BCAP29: variants seen among roughly 807,000 people sequenced by gnomAD.
BCAP29 encodes B-cell receptor-associated protein 29.
BCAP29 carries 34 observed loss-of-function variants against 31.8 expected under a neutral mutation model. The observed-to-expected ratio is 1.07, with a 90% CI of 0.81 to 1.42. The LOEUF is 1.42. BCAP29 is among the 40% of genes most tolerant of loss of function. The pLI is 0.00. For synonymous variants in BCAP29, 104 were observed against 91.3 expected (o/e 1.14, Z -0.79); for missense variants, 314 against 269.2 (o/e 1.17, Z -1.16).
chr7:107,584,916 T>A (rs1281075992), intron 3 of BCAP29, among the ~76,000 whole-genome samples: 1 of 152,222 alleles, frequency 6.6e-6, no homozygotes, highest in Non-Finnish European at 1.5e-5. Context: ...CCCATTTGTT[T>A]ACATAATGTC....
At chr7:107,583,156 C>T (rs901595524) in intron 2 of BCAP29, among the ~76,000 whole-genome samples, 14 of 152,004 alleles carry the variant, frequency 9.2e-5, no homozygotes, top group Non-Finnish European at 1.9e-4. Context: ...TTTCCTATTG[C>T]GTGATGGATT....
chr7:107,602,563 T>A (rs2129263370), intron 6 of BCAP29, among the ~76,000 whole-genome samples: 1 of 145,380 alleles, frequency 6.9e-6, no homozygotes, highest in East Asian at 2.3e-4. Flanking sequence ...AAAAAAGCAA[T>A]TTTTTTTTTT....
At chr7:107,600,543 C>A in intron 6 of BCAP29, 38 bp downstream of exon 6, 1 of 1,281,172 alleles carries the variant, frequency 7.8e-7, no homozygotes, top group South Asian at 1.2e-5. Context: ...AAAAGACTAG[C>A]ATGATATTTT....
At chr7:107,583,539 C>A (rs2129209927) in intron 2 of BCAP29, among the ~76,000 whole-genome samples, 1 of 152,150 alleles carries the variant, frequency 6.6e-6, no homozygotes, top group African/African-American at 2.4e-5. Context: ...TAAGTCATTT[C>A]TCTGACCATG....
chr7:107,613,798 A>G, intron 7 of BCAP29: 2 of 1,144,568 alleles, frequency 1.7e-6, no homozygotes, highest in African/African-American at 1.5e-5. Flanking sequence ...TTCAAGTTCC[A>G]CATCACACTA....
chr7:107,586,529 C>G (rs145735170), intron 3 of BCAP29, among the ~76,000 whole-genome samples: 1 of 152,074 alleles, frequency 6.6e-6, no homozygotes, highest in Non-Finnish European at 1.5e-5. Context: ...CACCTACTTT[C>G]GTGTTTTAAG....
At chr7:107,613,186 A>G in intron 6 of BCAP29, 146 bp from the exon 7 acceptor site, 1 of 590,748 alleles carries the variant, frequency 1.7e-6, no homozygotes, top group Non-Finnish European at 2.9e-6. Flanking sequence ...GTGTGTGAAG[A>G]GAGAGAATAT....
Position 107,581,384 on chromosome 7 carries a change from A to G in BCAP29, c.92+520A>G, listed in dbSNP as rs116008940. Among the ~76,000 whole-genome samples, 664 of 152,352 alleles carry G rather than the reference A, an allele frequency of 4.4e-3. 8 individuals carry two copies. Among genetic ancestry groups the G allele is most frequent in the African/African-American group, 0.015 (626 of 41,576 alleles). ...CTACTTTTGATTTCACATAAAATTA[A>G]TGAATGTATATTAAAAGTGCTGAAT... On this transcript the variant is annotated intron_variant, in intron 2 of 7. Transcript: ENST00000005259.
At chr7:107,618,227 A>T in intron 7 of BCAP29, 101 bp from the exon 8 acceptor site, 1 of 751,292 alleles carries the variant, frequency 1.3e-6, no homozygotes. Context: ...TTATTCTCAT[A>T]AGTATACATA....
At chr7:107,600,557 C>A in intron 6 of BCAP29, 52 bp downstream of exon 6, 1 of 1,054,852 alleles carries the variant, frequency 9.5e-7, no homozygotes, top group Non-Finnish European at 1.4e-6. Context: ...ATATTTTATG[C>A]TGTACACTTC....
At chr7:107,587,217 C>CTGATCTAAAATTG (rs1807863539) in intron 3 of BCAP29, among the ~76,000 whole-genome samples, 1 of 152,154 alleles carries the variant, frequency 6.6e-6, no homozygotes, top group Admixed American at 6.5e-5. Context: ...GTTTCCATAA[C>CTGATCTAAAATTG]TGATCTAAAA....
At chr7:107,611,396 A>C (rs1014484764) in intron 6 of BCAP29, among the ~76,000 whole-genome samples, 1 of 152,200 alleles carries the variant, frequency 6.6e-6, no homozygotes, top group African/African-American at 2.4e-5. Flanking sequence ...GTGAGACCTC[A>C]TCTCTACAAA....
chr7:107,595,773 C>T lies in BCAP29; in HGVS notation c.345-94C>T. ...CTAAACATTATCTGCCACCACCACA[C>T]CTATATCTAATGGGGAGTAATTTGG... On this transcript the variant is annotated intron_variant, in intron 4 of 7. Coordinates refer to ENST00000005259, the MANE Select transcript of BCAP29 (RefSeq NM_018844.4). The T allele has an allele frequency of 2.2e-6, 3 of 1,348,172 alleles. 1 individual carries two copies. The highest frequency in any genetic ancestry group is 3.1e-6 in the Non-Finnish European group (3 of 979,938). 83.5% of individuals were successfully genotyped at this position (1,348,172 alleles called of 1,614,324 possible).
At chr7:107,595,831 T>A (rs1809711131) in intron 4 of BCAP29, 36 bp from the exon 5 acceptor site, 1 of 1,578,802 alleles carries the variant, frequency 6.3e-7, no homozygotes, top group African/African-American at 1.4e-5. Flanking sequence ...TTCTGGTGAT[T>A]GGCCAGTAAT....
chr7:107,622,593 T>C (rs1194323747), downstream of BCAP29: 2 of 152,348 alleles, frequency 1.3e-5, no homozygotes, highest in Admixed American at 6.5e-5. Flanking sequence ...TCTGAAATGA[T>C]CTCATTTATG....
At chr7:107,586,195 T>C (rs1807652709) in intron 3 of BCAP29, among the ~76,000 whole-genome samples, 2 of 152,154 alleles carry the variant, frequency 1.3e-5, no homozygotes, top group African/African-American at 4.8e-5. Flanking sequence ...GACTCTGATA[T>C]TCTGTCTATC....
At position 107,618,315 on chromosome 7, in the gene BCAP29, T is replaced by C. The variant is rs370245331; in HGVS notation, c.691-13T>C. On this transcript the variant is annotated splice_polypyrimidine_tract_variant and intron_variant, in intron 7 of 7. Coordinates refer to ENST00000005259, the MANE Select transcript of BCAP29 (RefSeq NM_018844.4). Reference sequence around the variant, plus strand: ...TTTGCTGTACTACATAAATCATATTTTTTTCCTTACAGGATCGTTTAGAAA... The same window carrying C: ...TTTGCTGTACTACATAAATCATATTCTTTTCCTTACAGGATCGTTTAGAAA... The C allele has an allele frequency of 6.5e-7, 1 of 1,549,078 alleles. No individual in the cohort carries two copies. The highest frequency in any genetic ancestry group is 1.4e-5 in the African/African-American group (1 of 72,426).
Position 107,593,996 on chromosome 7 carries a change from A to G in BCAP29, c.235A>G (p.Ile79Val). 6.2e-7 allele frequency: 1 copy of G among 1,614,012 alleles called. No individual in the cohort carries two copies. Among genetic ancestry groups the G allele is most frequent in the Non-Finnish European group, 8.5e-7 (1 of 1,179,894 alleles). Residue 79 changes from isoleucine (I) to valine (V), a missense_variant, in exon 4 of 8, where the codon ATT (isoleucine) becomes GTT (valine). By Grantham distance (29) the Ile-to-Val change is conservative (BLOSUM62 3). Transcript: ENST00000005259. The stretch of plus-strand genomic sequence containing the variant: ...AAGGAAATATTCCTCAGTTCATACC[A>G]TTGAGAAGAGCTCCACCAGCAGACC... ...EVRKYSSVHT[I>V]EKSSTSRPDA...
At chr7:107,596,035 G>A (rs1339407203) in intron 5 of BCAP29, 33 bp downstream of exon 5, 1 of 1,531,820 alleles carries the variant, frequency 6.5e-7, no homozygotes, top group Non-Finnish European at 8.8e-7. Context: ...ATTAAATGTT[G>A]TTGGTGTTCC....
Sources: gnomAD v4.1 joint callset for allele counts (sites outside exome capture counted in the v4.1 genomes callset) on GRCh38, gnomAD v4.1.1 for gene constraint, MANE v1.5 for transcripts, NCBI Gene and HGNC (gene_info 2026-07-23, HGNC 2026-07-21) for gene names.